PRDM15: variants seen among roughly 807,000 people sequenced by gnomAD.
PRDM15 encodes PR domain zinc finger protein 15.
A neutral mutation model predicts 128.6 loss-of-function variants in PRDM15; 64 were observed. That is an observed-to-expected ratio of 0.50 (90% CI 0.41 to 0.61). The LOEUF (loss-of-function observed/expected upper bound fraction) is 0.61, where lower values mean the gene tolerates loss of function less well. Among genes scored for constraint, PRDM15 ranks in the 20% least tolerant of loss-of-function variants. PRDM15 has a pLI of 0.00. For synonymous variants in PRDM15, 615 were observed against 621.8 expected (o/e 0.99, Z 0.16); for missense variants, 1,242 against 1,569.1 (o/e 0.79, Z 3.52).
intron 6 of PRDM15, among the ~76,000 whole-genome samples, chr21:41,843,132 A>C (rs577167424): frequency 1.3e-5 from 2 of 149,564 alleles, no homozygotes; most frequent in Non-Finnish European, 3.0e-5. Context: ...TGTTTGTTTT[A>C]AGTATATCTA....
At position 41,800,466 on chromosome 21, in the gene PRDM15, AAC is replaced by A. The variant is rs1335955379; in HGVS notation, c.*772_*773del. ...AAAACTAAAACACAATATTGGCCATAACAGTCTTGAACACATAATGTATGTTT... is the reference window on the plus strand; with the variant it reads ...AAAACTAAAACACAATATTGGCCATAAGTCTTGAACACATAATGTATGTTT... On this transcript the variant is annotated 3_prime_UTR_variant, in exon 24 of 24. Transcript: ENST00000398548. 5.2e-5 allele frequency: 8 copies of A among 152,504 alleles called. No homozygotes were observed. Among genetic ancestry groups the A allele is most frequent in the Non-Finnish European group, 7.4e-5 (5 of 68,014 alleles). The allele number at this position is 152,504 out of a possible 1,614,324, so 9.4% of individuals were successfully genotyped here.
chr21:41,810,463 C>T lies in PRDM15; in HGVS notation c.2477-134G>A. 3.0e-6 allele frequency: 3 copies of T among 1,007,134 alleles called. No homozygotes were observed. The South Asian group carries it at 4.7e-5, about 16-fold the overall frequency. The allele number at this position is 1,007,134 out of a possible 1,614,324, so 62.4% of individuals were successfully genotyped here. ...TCACGCCCCGCCCATCCTGAGAGGG[C>T]CGGTGCTGGTCCCCGAGCACACATG... is the stretch of plus-strand genomic sequence containing the variant. On this transcript the variant is annotated intron_variant, in intron 20 of 23. Transcript: ENST00000398548. This position sits in a 1 kb window ranked among gnomAD's most constrained non-coding sequence, Gnocchi z 6.4.
intron 1 of PRDM15, chr21:41,861,694 G>A: frequency 1.2e-6 from 2 of 1,614,168 alleles, no homozygotes; most frequent in Non-Finnish European, 1.7e-6. Context: ...AGCTTGAAGG[G>A]TGAAAAGCAG....
chr21:41,861,719 A>G, intron 1 of PRDM15: 1 of 1,614,036 alleles, frequency 6.2e-7, no homozygotes, highest in South Asian at 1.1e-5. Flanking sequence ...TGCAAAACTC[A>G]TATGGAAACT....
chr21:41,835,906 C>A (rs1307641014), intron 10 of PRDM15, among the ~76,000 whole-genome samples: 1 of 149,100 alleles, frequency 6.7e-6, no homozygotes, highest in East Asian at 2.0e-4. Flanking sequence ...ACCCACAGCC[C>A]TCGCCCACTC....
intron 21 of PRDM15, among the ~76,000 whole-genome samples, chr21:41,805,829 C>T (rs1223582068): frequency 6.6e-6 from 1 of 151,084 alleles, no homozygotes; most frequent in Non-Finnish European, 1.5e-5. Context: ...TTACCAACAC[C>T]ATCACCACCA....
chr21:41,822,132 G>T, intron 14 of PRDM15, 95 bp from the exon 15 acceptor site: 1 of 1,557,564 alleles, frequency 6.4e-7, no homozygotes, highest in Non-Finnish European at 8.7e-7. Flanking sequence ...TTCCCCAGAT[G>T]CAGAAGAAAA....
rs1185305828 is a variant in PRDM15 at position 41,854,005 on chromosome 21, G to A, written c.538+561C>T. ...TAGGAGGATGGGTCACTCACTGCACGTAGCCCCCAGGGCAGAGCTAAGCAG... is the reference window on the plus strand; with the variant it reads ...TAGGAGGATGGGTCACTCACTGCACATAGCCCCCAGGGCAGAGCTAAGCAG... On this transcript the variant is annotated intron_variant, in intron 5 of 23. Transcript: ENST00000398548. The surrounding 1 kb of genome is among the most constrained non-coding windows in gnomAD (Gnocchi z 4.6). Among the ~76,000 whole-genome samples, 1 of 152,242 alleles carries A rather than the reference G, an allele frequency of 6.6e-6. No individual in the cohort carries two copies. The highest frequency in any genetic ancestry group is 2.4e-5 in the African/African-American group (1 of 41,466).
intron 11 of PRDM15, among the ~76,000 whole-genome samples, chr21:41,833,031 G>A (rs2062748947): frequency 6.6e-6 from 1 of 152,178 alleles, no homozygotes; most frequent in Admixed American, 6.5e-5. Context: ...CTGAATAAAT[G>A]AGCCACTGAG....
intron 11 of PRDM15, among the ~76,000 whole-genome samples, chr21:41,835,123 A>G (rs1001006081): frequency 6.6e-6 from 1 of 152,066 alleles, no homozygotes. Flanking sequence ...GCCCTAGAAA[A>G]CATTGGACAC....
Position 41,836,057 on chromosome 21 carries a change from G to C in PRDM15, c.1278+56C>G. 21 of 1,170,682 alleles carry C rather than the reference G, an allele frequency of 1.8e-5. 1 individual carries two copies. In the South Asian group the frequency reaches 2.5e-4, roughly 14 times the overall value. The allele number at this position is 1,170,682 out of a possible 1,614,324, so 72.5% of individuals were successfully genotyped here. ...TCATTACAACATGGTGATTTGGTCA[G>C]TTGTCTGTGTTGTCCACACAACTGG... On this transcript the variant is annotated intron_variant, in intron 10 of 23. Coordinates refer to ENST00000398548, the MANE Select transcript of PRDM15 (RefSeq NM_001040424.3).
chr21:41,815,768 T>C lies in PRDM15; in HGVS notation c.2329A>G (p.Lys777Glu). The stretch of plus-strand genomic sequence containing the variant: ...TGCGCGAACCTGCGGTGGCACTCCT[T>C]GCACTCGTACTCCTTGATGCCCTTG... The part of the protein sequence containing the change: ...LHKGIKEYEC[K>E]ECHRRFAQKV... Residue 777 changes from lysine (K) to glutamate (E), a missense_variant, in exon 19 of 24, where the codon AAG becomes GAG. Lys to Glu is a moderately conservative substitution (Grantham distance 56, BLOSUM62 1). Around this residue, in one of 3 missense-constraint regions of PRDM15, gnomAD observed 602 missense variants for 788.3 expected, o/e 0.76. Coordinates refer to ENST00000398548, the MANE Select transcript of PRDM15 (RefSeq NM_001040424.3). 1 of 1,614,096 alleles carries C rather than the reference T, an allele frequency of 6.2e-7. No homozygotes were observed. Among genetic ancestry groups the C allele is most frequent in the Admixed American group, 1.7e-5 (1 of 60,030 alleles).
In PRDM15 at chr21:41,822,147, T is replaced by C; in HGVS notation, c.1762-110A>G. On this transcript the variant is annotated intron_variant, in intron 14 of 23. Coordinates refer to ENST00000398548, the MANE Select transcript of PRDM15 (RefSeq NM_001040424.3). ...TTCCCCAGATGCAGAAGAAAATGCC[T>C]CTCTGATGCCCGTGGCGCCCTAACG... is the stretch of plus-strand genomic sequence containing the variant. 3 of 1,467,448 alleles carry C rather than the reference T, an allele frequency of 2.0e-6. No individual in the cohort carries two copies. The South Asian group carries it at 3.5e-5, about 17-fold the overall frequency. The allele number at this position is 1,467,448 out of a possible 1,614,324, so 90.9% of individuals were successfully genotyped here.
At chr21:41,812,510 C>A (rs953175368) in intron 19 of PRDM15, 18 of 152,200 alleles carry the variant, frequency 1.2e-4, no homozygotes, top group African/African-American at 4.3e-4. Context: ...GCTGAATCTC[C>A]CAGGACAGTC....
chr21:41,853,059 G>C (rs1477955381), intron 5 of PRDM15, among the ~76,000 whole-genome samples: 4 of 152,232 alleles, frequency 2.6e-5, no homozygotes, highest in Non-Finnish European at 5.9e-5. Flanking sequence ...TTCTCCCTCA[G>C]GGTGCCCAGA....
At chr21:41,807,331 G>A (rs930609841) in intron 21 of PRDM15, among the ~76,000 whole-genome samples, 1 of 152,216 alleles carries the variant, frequency 6.6e-6, no homozygotes, top group Non-Finnish European at 1.5e-5. Context: ...GTTTATGCCT[G>A]TTTAACTAGT....
intron 5 of PRDM15, among the ~76,000 whole-genome samples, chr21:41,848,687 C>T (rs771301403): frequency 2.0e-4 from 30 of 152,164 alleles, no homozygotes; most frequent in Non-Finnish European, 3.5e-4. Flanking sequence ...GGAATTTCTT[C>T]GAATCCACGT....
At chr21:41,807,792 T>C (rs2061728986) in intron 21 of PRDM15, among the ~76,000 whole-genome samples, 1 of 152,032 alleles carries the variant, frequency 6.6e-6, no homozygotes, top group Admixed American at 6.5e-5. Flanking sequence ...GAGAAACAAA[T>C]TGGTTCGAGA....
At chr21:41,837,468 T>C (rs112054433) in intron 8 of PRDM15, among the ~76,000 whole-genome samples, 14,358 of 152,080 alleles carry the variant, frequency 0.094, 916 homozygotes, top group Non-Finnish European at 0.14. Context: ...ATTCCACTTA[T>C]AAGACATCTC....
Sources: gnomAD v4.1 joint callset for allele counts (sites outside exome capture counted in the v4.1 genomes callset) on GRCh38, gnomAD v4.1.1 for gene constraint, gnomAD v4.1.1 regional missense constraint, Gnocchi (gnomAD v3.1) non-coding constraint, MANE v1.5 for transcripts, NCBI Gene and HGNC (gene_info 2026-07-23, HGNC 2026-07-21) for gene names.